Variants in C3orf22 observed in about 807,000 individuals in gnomAD.
C3orf22 encodes the protein uncharacterized protein C3orf22.
C3orf22 carries 7 observed loss-of-function variants against 10.8 expected under a neutral mutation model. The ratio of observed to expected loss-of-function variants is 0.65; its 90% CI spans 0.37 to 1.22. The LOEUF is 1.22. Ranked by LOEUF, C3orf22 falls within the 50% of genes most tolerant of loss-of-function variation. The pLI, the probability that C3orf22 is intolerant of heterozygous loss-of-function variation, is 0.02. For synonymous variants in C3orf22, 79 were observed against 78.9 expected, an observed-to-expected ratio of 1.00 and a Z score of 0.00; for missense variants, 173 against 177.0, an observed-to-expected ratio of 0.98 and a Z score of 0.13.
At chr3:126,537,164 A>G (rs1936813732) in intron 4 of C3orf22, among the ~76,000 whole-genome samples, 1 of 152,172 alleles carries the variant, frequency 6.6e-6, no homozygotes, top group Non-Finnish European at 1.5e-5. Context: ...CCTAGTTTAG[A>G]TGGGGGAGAG....
At chr3:126,553,553 T>C in intron 1 of C3orf22, 123 bp from the exon 2 acceptor site, 1 of 657,880 alleles carries the variant, frequency 1.5e-6, no homozygotes, top group Non-Finnish European at 2.7e-6. Context: ...CACTGCCCTG[T>C]GCATGCACCG....
downstream of C3orf22, among the ~76,000 whole-genome samples, chr3:126,547,228 G>A (rs138318464): frequency 1.4e-4 from 22 of 152,326 alleles, no homozygotes; most frequent in African/African-American, 5.3e-4. Flanking sequence ...TGCTATCTGG[G>A]CCACTGTGTG....
At chr3:126,556,721 CCACA>C (rs1209527151) in intron 1 of C3orf22, among the ~76,000 whole-genome samples, 4 of 151,458 alleles carry the variant, frequency 2.6e-5, no homozygotes, top group African/African-American at 7.3e-5. Context: ...CAGACTGACC[CCACA>C]CACAGACTCA....
chr3:126,528,754 T>C (rs998934112), intron 5 of C3orf22, among the ~76,000 whole-genome samples: 2 of 152,074 alleles, frequency 1.3e-5, no homozygotes, highest in Non-Finnish European at 2.9e-5. Flanking sequence ...AAATGGAGTT[T>C]GAACTAAATA....
At chr3:126,542,194 C>A in intron 4 of C3orf22, 5 of 1,442,304 alleles carry the variant, frequency 3.5e-6, no homozygotes, top group Non-Finnish European at 2.7e-6. Flanking sequence ...GCGCGCTCCC[C>A]GACGCCCGGG....
At chr3:126,553,135 A>C (rs558367069) in intron 2 of C3orf22, among the ~76,000 whole-genome samples, 167 bp downstream of exon 2, 29 of 152,300 alleles carry the variant, frequency 1.9e-4, no homozygotes, top group Admixed American at 7.8e-4. Flanking sequence ...TGATGGGGGT[A>C]ACGAAGGCGG....
rs550482103 is a variant in C3orf22, at chr3:126,550,230, G to A, written c.216-152C>T. ...CTTGACCTGGCCCCTTCCACACAGA[G>A]GCTCTGCCACCTGATGTCCCAGGAA... is the stretch of plus-strand genomic sequence containing the variant. On this transcript the variant is annotated intron_variant, in intron 3 of 3. Coordinates refer to ENST00000318225, the MANE Select transcript of C3orf22 (RefSeq NM_152533.3). The A allele has an allele frequency of 1.4e-5, 11 of 804,714 alleles. No individual in the cohort carries two copies. In the South Asian group the frequency reaches 2.0e-4, roughly 15 times the overall value. The allele number at this position is 804,714 out of a possible 1,614,324, so 49.8% of individuals were successfully genotyped here. A position where few individuals can be genotyped will look rare whatever the true frequency, so the allele number is the denominator to read the frequency against.
chr3:126,542,251 G>A, intron 4 of C3orf22: 1 of 1,541,382 alleles, frequency 6.5e-7, no homozygotes, highest in Non-Finnish European at 8.7e-7. Flanking sequence ...CCTACCTGCT[G>A]GACCCGCGCA....
At chr3:126,542,207 C>T (rs750870511) in intron 4 of C3orf22, 2 of 1,451,018 alleles carry the variant, frequency 1.4e-6, no homozygotes, top group East Asian at 2.9e-5. Flanking sequence ...CGCCCGGGCC[C>T]GCGGCCACGA....
downstream of C3orf22, among the ~76,000 whole-genome samples, chr3:126,549,248 C>T (rs1482585995): frequency 4.2e-5 from 1 of 23,604 alleles, no homozygotes; most frequent in Non-Finnish European, 1.4e-4. Context: ...GCTCCTCATC[C>T]ACGCCCCCCC....
chr3:126,529,082 A>G (rs1936594280), intron 5 of C3orf22: 3 of 372,038 alleles, frequency 8.1e-6, no homozygotes, highest in Non-Finnish European at 1.1e-5. Flanking sequence ...TGCTTGCTGG[A>G]CTAGGGAGTC....
chr3:126,537,228 T>C (rs889379624), intron 4 of C3orf22, among the ~76,000 whole-genome samples: 1 of 152,054 alleles, frequency 6.6e-6, no homozygotes, highest in African/African-American at 2.4e-5. Flanking sequence ...CAAGAGTCAA[T>C]AGGCAGACAG....
In C3orf22 at chr3:126,551,995, A is replaced by G; in HGVS notation, c.215+2T>C. ...GGTGGTGGCATCAGGGCAGGGACTT[A>G]CCCTCGGACTGGGATGGACCTCGTT... On this transcript the variant is annotated splice_donor_variant, in intron 3 of 3. Coordinates refer to ENST00000318225, the MANE Select transcript of C3orf22 (RefSeq NM_152533.3). LOFTEE classifies it high-confidence loss of function. 1.2e-6 allele frequency: 2 copies of G among 1,607,186 alleles called. No individual in the cohort carries two copies.
chr3:126,555,824 G>A (rs952322825), intron 1 of C3orf22, among the ~76,000 whole-genome samples: 1 of 152,196 alleles, frequency 6.6e-6, no homozygotes, highest in Non-Finnish European at 1.5e-5. Context: ...CTCCAGGGCT[G>A]TGCCAGCTTT....
chr3:126,557,231 A>G (rs1576255214), intron 1 of C3orf22, among the ~76,000 whole-genome samples: 2 of 152,266 alleles, frequency 1.3e-5, no homozygotes, highest in East Asian at 1.9e-4. Flanking sequence ...CTGCTGCGTG[A>G]CCTGGGAGCT....
At chr3:126,554,024 T>C (rs919990414) in intron 1 of C3orf22, among the ~76,000 whole-genome samples, 3 of 150,958 alleles carry the variant, frequency 2.0e-5, no homozygotes, top group Non-Finnish European at 4.4e-5. Context: ...GTTTTCTGTT[T>C]GTTTGTTTTG....
chr3:126,529,380 T>C (rs770555549), intron 4 of C3orf22: 15 of 1,289,124 alleles, frequency 1.2e-5, no homozygotes, highest in Non-Finnish European at 1.4e-5. Flanking sequence ...TGCCTACGGA[T>C]GCCGCAAGGG....
chr3:126,537,707 T>A (rs1936827932), intron 4 of C3orf22, among the ~76,000 whole-genome samples: 1 of 152,212 alleles, frequency 6.6e-6, no homozygotes, highest in Non-Finnish European at 1.5e-5. Context: ...CTGTGACCGT[T>A]GGGTGTCAAC....
At chr3:126,556,283 A>G (rs80288550) in intron 1 of C3orf22, among the ~76,000 whole-genome samples, 4,252 of 152,240 alleles carry the variant, frequency 0.028, 116 homozygotes, top group African/African-American at 0.067. Context: ...CAATGAGGGC[A>G]GGGAATTGGA....
Sources: gnomAD v4.1 joint callset for allele counts (sites outside exome capture counted in the v4.1 genomes callset) on GRCh38, gnomAD v4.1.1 for gene constraint, MANE v1.5 for transcripts, NCBI Gene and HGNC (gene_info 2026-07-23, HGNC 2026-07-21) for gene names.